Variants in HECW2 observed in about 807,000 individuals in gnomAD.
HECW2 encodes E3 ubiquitin-protein ligase HECW2.
HECW2 carries 61 observed loss-of-function variants against 175.2 expected under a neutral mutation model. The ratio of observed to expected loss-of-function variants is 0.35; its 90% CI spans 0.28 to 0.43. HECW2 has a LOEUF of 0.43. Among genes scored for constraint, HECW2 ranks in the 20% least tolerant of loss-of-function variants. The pLI, the probability that HECW2 is intolerant of heterozygous loss-of-function variation, is 1.00. For missense variants in HECW2, 1,524 were observed against 2,000.5 expected (o/e 0.76, Z 4.54); for synonymous variants, 671 against 731.0 (o/e 0.92, Z 1.32).
At chr2:196,204,993 G>T (rs1230943741) in intron 28 of HECW2, among the ~76,000 whole-genome samples, 2 of 152,202 alleles carry the variant, frequency 1.3e-5, no homozygotes, top group African/African-American at 4.8e-5. Context: ...AACACAAAGG[G>T]AAGGCAAAGG....
At chr2:196,349,219 C>T (rs1196448724) in intron 2 of HECW2, among the ~76,000 whole-genome samples, 1 of 152,198 alleles carries the variant, frequency 6.6e-6, no homozygotes, top group African/African-American at 2.4e-5. Context: ...ACCTTCCTTG[C>T]CTTCTTTCCC....
At chr2:196,383,226 C>T (rs1251710810) in intron 2 of HECW2, among the ~76,000 whole-genome samples, 6 of 152,222 alleles carry the variant, frequency 3.9e-5, no homozygotes, top group East Asian at 1.9e-4. Context: ...ATTAAAGAGG[C>T]GTATGAAGGA....
At chr2:196,203,241 C>G (rs763955143) in intron 28 of HECW2, among the ~76,000 whole-genome samples, 1 of 152,130 alleles carries the variant, frequency 6.6e-6, no homozygotes, top group Non-Finnish European at 1.5e-5. Flanking sequence ...TCTTTGCAGG[C>G]AAACCCTTTT....
At chr2:196,259,202 G>A (rs1289861378) in intron 17 of HECW2, among the ~76,000 whole-genome samples, 2 of 152,192 alleles carry the variant, frequency 1.3e-5, no homozygotes, top group Non-Finnish European at 2.9e-5. Context: ...TCAAACTCCT[G>A]GCCTCATGTG....
Position 196,319,373 on chromosome 2 carries a change from G to T in HECW2, c.1517C>A (p.Thr506Lys). ...CTCAACAGGGTTGTCCTCCAGCTTT[G>T]TCTGAGATGTCAGGCTTCCATCATC... ...RADDGSLTSQTKLEDNPVENE... is the reference protein window; with the variant it reads ...RADDGSLTSQKKLEDNPVENE... Residue 506 changes from threonine (T) to lysine (K), a missense_variant, in exon 9 of 29, where the codon ACA becomes AAA. Thr to Lys is a moderately conservative substitution (Grantham distance 78). Around this residue, in one of 11 missense-constraint regions of HECW2, gnomAD observed 604 missense variants for 588.3 expected, o/e 1.03. Coordinates refer to ENST00000644978, the MANE Select transcript of HECW2 (RefSeq NM_001348768.2). 6.2e-7 allele frequency: 1 copy of T among 1,614,162 alleles called. No homozygotes were observed. The highest frequency in any genetic ancestry group is 8.5e-7 in the Non-Finnish European group (1 of 1,180,028).
intron 21 of HECW2, among the ~76,000 whole-genome samples, chr2:196,236,569 C>T (rs972441797): frequency 6.6e-6 from 1 of 152,216 alleles, no homozygotes; most frequent in African/African-American, 2.4e-5. Flanking sequence ...TGATCCCATA[C>T]AGGAAACCAC....
chr2:196,537,457 C>T (rs1414143241), intron 1 of HECW2, among the ~76,000 whole-genome samples: 2 of 152,060 alleles, frequency 1.3e-5, no homozygotes, highest in African/African-American at 2.4e-5. Context: ...AGCTCTTGGC[C>T]TGCCAAGCAG....
chr2:196,507,809 C>T (rs1687819505), intron 1 of HECW2, among the ~76,000 whole-genome samples: 1 of 152,184 alleles, frequency 6.6e-6, no homozygotes, highest in Non-Finnish European at 1.5e-5. Flanking sequence ...GGGTGTGTTC[C>T]TCCCCCAGTG....
chr2:196,326,771 T>C (rs1692168863), intron 5 of HECW2, among the ~76,000 whole-genome samples: 2 of 152,072 alleles, frequency 1.3e-5, no homozygotes, highest in Non-Finnish European at 2.9e-5. Flanking sequence ...AGCAAGATCT[T>C]TGATCTGAAA....
intron 14 of HECW2, 200 bp downstream of exon 14, chr2:196,292,356 CCTCCCTCCG>C: frequency 2.1e-6 from 1 of 487,382 alleles, no homozygotes; most frequent in South Asian, 3.6e-5. Flanking sequence ...GCGTCACAGC[CCTCCCTCCG>C]CTCCCTCCAC....
chr2:196,252,428 C>T (rs1688894564), intron 19 of HECW2, among the ~76,000 whole-genome samples: 1 of 152,056 alleles, frequency 6.6e-6, no homozygotes, highest in Admixed American at 6.5e-5. Context: ...GAGGTAGGGC[C>T]TTGTGGGGGG....
At chr2:196,583,709 A>G (rs1191804412) in intron 1 of HECW2, among the ~76,000 whole-genome samples, 4 of 152,234 alleles carry the variant, frequency 2.6e-5, no homozygotes, top group Non-Finnish European at 5.9e-5. Context: ...TATCTGATCT[A>G]TATAAATAAC....
intron 1 of HECW2, among the ~76,000 whole-genome samples, chr2:196,563,386 C>CTCTACT (rs1423023937): frequency 6.6e-5 from 10 of 151,686 alleles, no homozygotes; most frequent in African/African-American, 2.4e-4. Context: ...GCCAAAATGG[C>CTCTACT]AAAACCCCGC....
At chr2:196,271,353 A>T (rs1044081658) in intron 16 of HECW2, 64 bp from the exon 17 acceptor site, 2 of 1,240,388 alleles carry the variant, frequency 1.6e-6, no homozygotes, top group African/African-American at 3.0e-5. Context: ...TTATGTATAT[A>T]AATCCAAACC....
intron 4 of HECW2, among the ~76,000 whole-genome samples, chr2:196,333,286 T>C (rs1439532434): frequency 6.6e-6 from 1 of 151,988 alleles, no homozygotes; most frequent in Non-Finnish European, 1.5e-5. Context: ...TCTGTAGTGG[T>C]GGCACAATGC....
intron 1 of HECW2, among the ~76,000 whole-genome samples, chr2:196,554,219 G>T (rs1034102788): frequency 1.3e-5 from 2 of 152,080 alleles, no homozygotes; most frequent in South Asian, 4.2e-4. Flanking sequence ...CCAGCTACTC[G>T]GGAGGCTGAG....
chr2:196,382,649 G>A (rs534006618), intron 2 of HECW2, among the ~76,000 whole-genome samples: 8 of 152,128 alleles, frequency 5.3e-5, no homozygotes, highest in East Asian at 1.9e-4. Flanking sequence ...ATATAATAGC[G>A]GATTGTATTC....
At chr2:196,348,509 A>G (rs977644557) in intron 2 of HECW2, among the ~76,000 whole-genome samples, 10 of 152,094 alleles carry the variant, frequency 6.6e-5, no homozygotes, top group Non-Finnish European at 1.5e-4. Flanking sequence ...TTAGCTGGGC[A>G]TGGTGGCATG....
At position 196,196,083 on chromosome 2, in the gene HECW2, C is replaced by G. The variant is rs559032326; in HGVS notation, c.*5194G>C. The stretch of plus-strand genomic sequence containing the variant: ...TACACTCCTGTCCTAACCATCCTTT[C>G]GCTCCTTCTGACCCAGATGGCTATG... On this transcript the variant is annotated 3_prime_UTR_variant, in exon 29 of 29. Transcript: ENST00000644978. 6.6e-6 allele frequency: 1 copy of G among 152,392 alleles called. No homozygotes were observed. The highest frequency in any genetic ancestry group is 2.4e-5 in the African/African-American group (1 of 41,558). 9.4% of individuals were successfully genotyped at this position (152,392 alleles called of 1,614,324 possible). A position where few individuals can be genotyped will look rare whatever the true frequency, so the allele number is the denominator to read the frequency against.
Sources: gnomAD v4.1 joint callset for allele counts (sites outside exome capture counted in the v4.1 genomes callset) on GRCh38, gnomAD v4.1.1 for gene constraint, gnomAD v4.1.1 regional missense constraint, MANE v1.5 for transcripts, NCBI Gene and HGNC (gene_info 2026-07-23, HGNC 2026-07-21) for gene names.